Variants in VWC2 observed in about 807,000 individuals in gnomAD.
The protein encoded by VWC2 is brorin.
In VWC2, 14 loss-of-function variants were observed where a neutral mutation model predicts 29.8. The observed-to-expected ratio is 0.47, with a 90% CI of 0.31 to 0.74. The LOEUF (loss-of-function observed/expected upper bound fraction) is 0.74. VWC2 is among the 30% of genes least tolerant of loss of function. The probability of loss-of-function intolerance (pLI) is 0.05; values close to 1 mark genes in which losing one functional copy is unlikely to be tolerated. For synonymous variants in VWC2, 213 were observed against 199.0 expected (o/e 1.07, Z -0.59); for missense variants, 457 against 459.8 (o/e 0.99, Z 0.05).
At chr7:49,869,861 A>C (rs779041557) in intron 3 of VWC2, among the ~76,000 whole-genome samples, 3 of 152,204 alleles carry the variant, frequency 2.0e-5, no homozygotes, top group Non-Finnish European at 2.9e-5. Context: ...CTAGGTACCC[A>C]TTCAGAAAAG....
At chr7:49,853,968 G>A (rs113406017) in intron 3 of VWC2, among the ~76,000 whole-genome samples, 2 of 150,350 alleles carry the variant, frequency 1.3e-5, no homozygotes, top group African/African-American at 4.9e-5. Context: ...TGCGGTGTTT[G>A]GTTTTCTGTC....
rs59910243 is a variant in VWC2 at position 49,857,009 on chromosome 7, C to CAAAAAAAAAA, written c.826+54192_826+54201dup. On this transcript the variant is annotated intron_variant, in intron 3 of 3. Coordinates refer to ENST00000340652, the MANE Select transcript of VWC2 (RefSeq NM_198570.5). ...TGGGTGACAGAGCCAGATACTGTCTCAAAAAAAAAAAAAAAAAAAAAAAAA... is the reference window on the plus strand; with the variant it reads ...TGGGTGACAGAGCCAGATACTGTCTCAAAAAAAAAAAAAAAAAAAAAAAAAAAAAAAAAAA... Among the ~76,000 whole-genome samples the CAAAAAAAAAA allele has an allele frequency of 2.1e-4, 11 of 52,786 alleles. 1 individual carries two copies. The highest frequency in any genetic ancestry group is 1.9e-3 in the Admixed American group (5 of 2,590). 34.6% of individuals were successfully genotyped at this position (52,786 alleles called of 152,430 possible).
At position 49,920,682 on chromosome 7, in the gene VWC2, T is replaced by C. The variant is rs372086030; in HGVS notation, c.*8497T>C. The C allele has an allele frequency of 6.6e-4, 100 of 152,042 alleles. No homozygotes were observed. Among genetic ancestry groups the C allele is most frequent in the African/African-American group, 2.3e-3 (95 of 41,458 alleles). The allele number at this position is 152,042 out of a possible 1,614,324, so 9.4% of individuals were successfully genotyped here. A position where few individuals can be genotyped will look rare whatever the true frequency, so the allele number is the denominator to read the frequency against. On this transcript the variant is annotated 3_prime_UTR_variant, in exon 4 of 4. Transcript: ENST00000340652. Reference sequence around the variant, plus strand: ...CACATAGCTATAAATATAGCATGAATAAAACACATATGTATTTAATTGTGT... The same window carrying C: ...CACATAGCTATAAATATAGCATGAACAAAACACATATGTATTTAATTGTGT...
intron 2 of VWC2, among the ~76,000 whole-genome samples, chr7:49,785,687 G>T (rs1172765421): frequency 6.6e-6 from 1 of 152,180 alleles, no homozygotes; most frequent in African/African-American, 2.4e-5. Context: ...GCAGACATCT[G>T]ATCAACAGAA....
chr7:49,782,675 T>A (rs1254416788), intron 2 of VWC2, among the ~76,000 whole-genome samples: 1 of 144,106 alleles, frequency 6.9e-6, no homozygotes, highest in Admixed American at 7.1e-5. Flanking sequence ...TGAGGCCACA[T>A]CTCTACAACA....
intron 2 of VWC2, among the ~76,000 whole-genome samples, chr7:49,790,384 C>T (rs1318202586): frequency 6.6e-6 from 1 of 152,124 alleles, no homozygotes; most frequent in Non-Finnish European, 1.5e-5. Flanking sequence ...AAACTGACAG[C>T]CTCTGGGGAC....
In VWC2 at chr7:49,917,970, A is replaced by G. The variant is rs1793812712; in HGVS notation, c.*5785A>G. 1 of 152,166 alleles carries G rather than the reference A, an allele frequency of 6.6e-6. No homozygotes were observed. The highest frequency in any genetic ancestry group is 1.5e-5 in the Non-Finnish European group (1 of 68,012). 9.4% of individuals were successfully genotyped at this position (152,166 alleles called of 1,614,324 possible). A position where few individuals can be genotyped will look rare whatever the true frequency, so the allele number is the denominator to read the frequency against. On this transcript the variant is annotated 3_prime_UTR_variant, in exon 4 of 4. Coordinates refer to ENST00000340652, the MANE Select transcript of VWC2 (RefSeq NM_198570.5). ...TAAGCATATAATTCTTATAATGGAAAAAAGTGAAAAGTATCCAGTAAGTAA... is the reference window on the plus strand; with the variant it reads ...TAAGCATATAATTCTTATAATGGAAGAAAGTGAAAAGTATCCAGTAAGTAA...
chr7:49,874,204 G>A (rs1791299317), intron 3 of VWC2, among the ~76,000 whole-genome samples: 1 of 152,146 alleles, frequency 6.6e-6, no homozygotes. Flanking sequence ...ACACAGTCAT[G>A]TGCCTCATAA....
At chr7:49,868,267 T>G (rs1160374811) in intron 3 of VWC2, among the ~76,000 whole-genome samples, 1 of 152,244 alleles carries the variant, frequency 6.6e-6, no homozygotes, top group Non-Finnish European at 1.5e-5. Flanking sequence ...TAGGTTTCAT[T>G]AATAGGAAAT....
Position 49,877,481 on chromosome 7 carries a change from A to AAAAAAATATACATAT in VWC2, c.827-34552_827-34551insAAAAATATACATATA. Among the ~76,000 whole-genome samples the AAAAAAATATACATAT allele has an allele frequency of 5.7e-3, 72 of 12,730 alleles. 20 individuals carry two copies. Among genetic ancestry groups the AAAAAAATATACATAT allele is most frequent in the Non-Finnish European group, 7.9e-3 (55 of 6,950 alleles). 8.4% of individuals were successfully genotyped at this position (12,730 alleles called of 152,430 possible). ...CTGTCTCAAAAAAAAAAAAAAAAAA[A>AAAAAAATATACATAT]ATATATATATATATATATATATATA... On this transcript the variant is annotated intron_variant, in intron 3 of 3. Transcript: ENST00000340652.
At chr7:49,820,606 C>T (rs140794093) in intron 3 of VWC2, among the ~76,000 whole-genome samples, 2,201 of 152,180 alleles carry the variant, frequency 0.014, 33 homozygotes, top group African/African-American at 0.036. Context: ...ACATTTTGTT[C>T]AAAAATTCTA....
At chr7:49,811,330 G>A (rs987661289) in intron 3 of VWC2, among the ~76,000 whole-genome samples, 3 of 152,164 alleles carry the variant, frequency 2.0e-5, no homozygotes, top group African/African-American at 7.2e-5. Flanking sequence ...CACATGTTGT[G>A]GGAGGGAAAT....
intron 3 of VWC2, among the ~76,000 whole-genome samples, chr7:49,836,475 A>AC (rs1789661633): frequency 6.6e-6 from 1 of 150,862 alleles, no homozygotes; most frequent in Non-Finnish European, 1.5e-5. Flanking sequence ...AAAAAAAAAA[A>AC]AAAAAACTAT....
intron 2 of VWC2, among the ~76,000 whole-genome samples, chr7:49,801,315 G>T (rs973870146): frequency 6.6e-6 from 1 of 152,214 alleles, no homozygotes; most frequent in African/African-American, 2.4e-5. Context: ...GGCAAAGCAG[G>T]AACTCAGCTT....
In VWC2 at chr7:49,783,011, C is replaced by G. The variant is rs1374984612; in HGVS notation, c.696+6880C>G. 3.3e-5 allele frequency among the ~76,000 whole-genome samples: 5 copies of G among 152,120 alleles called. No homozygotes were observed. The East Asian group carries it at 9.6e-4, about 29-fold the overall frequency. On this transcript the variant is annotated intron_variant, in intron 2 of 3. Transcript: ENST00000340652. ...GACAAGTTCTGCAGAGTGTGCAGCT[C>G]AGGGGGAGGTAGCCACGCCCTGGTC...
intron 3 of VWC2, among the ~76,000 whole-genome samples, chr7:49,844,818 G>A (rs1333612419): frequency 6.6e-6 from 1 of 151,942 alleles, no homozygotes; most frequent in Non-Finnish European, 1.5e-5. Context: ...TCAGCTTCCT[G>A]AGTAGCTGAG....
intron 3 of VWC2, among the ~76,000 whole-genome samples, chr7:49,833,544 C>A (rs1789584213): frequency 6.6e-6 from 1 of 152,114 alleles, no homozygotes; most frequent in East Asian, 1.9e-4. Flanking sequence ...GCAAGGTGGT[C>A]CAACGCATTA....
chr7:49,813,339 G>A (rs772531496), intron 3 of VWC2, among the ~76,000 whole-genome samples: 4 of 152,228 alleles, frequency 2.6e-5, no homozygotes, highest in African/African-American at 9.6e-5. Flanking sequence ...GAACCACTTC[G>A]AAGGCCTGGT....
At chr7:49,823,162 A>G (rs1332791981) in intron 3 of VWC2, among the ~76,000 whole-genome samples, 1 of 152,174 alleles carries the variant, frequency 6.6e-6, no homozygotes, top group Non-Finnish European at 1.5e-5. Context: ...TTACATGATA[A>G]TAGTTACGAG....
Sources: allele counts gnomAD v4.1 joint callset (sites outside exome capture counted in the v4.1 genomes callset), GRCh38; gene constraint gnomAD v4.1.1; transcripts MANE v1.5; gene names NCBI Gene and HGNC (gene_info 2026-07-23, HGNC 2026-07-21).